RAB39A: variants seen among roughly 807,000 people sequenced by gnomAD.
RAB39A encodes RAB39A, member RAS oncogene family, also known as ras-related protein Rab-39A.
In RAB39A, 17 loss-of-function variants were observed where a neutral mutation model predicts 20.9. The ratio of observed to expected loss-of-function variants is 0.81; its 90% CI spans 0.56 to 1.22. RAB39A has a LOEUF of 1.22. Ranked by LOEUF, RAB39A falls within the 50% of genes most tolerant of loss-of-function variation. The pLI, the probability that RAB39A is intolerant of heterozygous loss-of-function variation, is 0.00. For missense variants in RAB39A, 234 were observed against 270.5 expected, an observed-to-expected ratio of 0.87 and a Z score of 0.95; for synonymous variants, 99 against 103.4, an observed-to-expected ratio of 0.96 and a Z score of 0.26.
At chr11:107,937,185 A>C (rs1861202610) in intron 1 of RAB39A, among the ~76,000 whole-genome samples, 1 of 152,088 alleles carries the variant, frequency 6.6e-6, no homozygotes, top group Non-Finnish European at 1.5e-5. Context: ...GCCCAGGTTG[A>C]AGTGCAGTGG....
intron 1 of RAB39A, among the ~76,000 whole-genome samples, chr11:107,939,084 A>G (rs1861231415): frequency 6.6e-6 from 1 of 151,788 alleles, no homozygotes; most frequent in African/African-American, 2.4e-5. Context: ...CCTACTAAAA[A>G]TAGAAAAAAA....
intron 1 of RAB39A, among the ~76,000 whole-genome samples, chr11:107,939,562 A>G (rs1164539751): frequency 6.6e-6 from 1 of 151,334 alleles, no homozygotes; most frequent in Non-Finnish European, 1.5e-5. Context: ...GAGAGCCGAG[A>G]TCATGCCACT....
rs1185090289 is a variant in RAB39A at position 107,962,159 on chromosome 11, A to C, written c.441A>C (p.Ala147=). 1 of 1,614,066 alleles carries C rather than the reference A, an allele frequency of 6.2e-7. No homozygotes were observed. The highest frequency in any genetic ancestry group is 1.3e-5 in the African/African-American group (1 of 74,960). Residue 147 remains alanine, a synonymous_variant, in exon 2 of 2, where the codon GCA becomes GCC. Coordinates refer to ENST00000320578, the MANE Select transcript of RAB39A (RefSeq NM_017516.3). ...GGGAAGAAGCTGAAAAACTGTCAGC[A>C]GACTGTGGAATGAAGTATATAGAAA... ...VTREEAEKLS[A]DCGMKYIETS...
chr11:107,931,070 A>G (rs1407293288), intron 1 of RAB39A, among the ~76,000 whole-genome samples: 1 of 148,772 alleles, frequency 6.7e-6, no homozygotes, highest in East Asian at 2.0e-4. Flanking sequence ...TCCGCCTCCC[A>G]GGTTCCAGCA....
intron 1 of RAB39A, among the ~76,000 whole-genome samples, chr11:107,950,136 T>C (rs573261162): frequency 6.4e-4 from 96 of 151,036 alleles, no homozygotes; most frequent in African/African-American, 2.1e-3. Flanking sequence ...GCCGAGATCG[T>C]GCCACTGCAC....
rs1003576291 is a variant in RAB39A at position 107,928,520 on chromosome 11, A to C, written c.-49A>C. On this transcript the variant is annotated 5_prime_UTR_variant, in exon 1 of 2. Coordinates refer to ENST00000320578, the MANE Select transcript of RAB39A (RefSeq NM_017516.3). This position sits in a 1 kb window ranked among gnomAD's most constrained non-coding sequence, Gnocchi z 4.9. ...CTGAAAGGACAGTTCCCGCCGCCGA[A>C]CTTAGCCCGCGGGTGGGGCGGCCCG... 14 of 1,373,788 alleles carry C rather than the reference A, an allele frequency of 1.0e-5. No individual in the cohort carries two copies. Among genetic ancestry groups the C allele is most frequent in the Non-Finnish European group, 1.4e-5 (14 of 1,036,742 alleles). 85.1% of individuals were successfully genotyped at this position (1,373,788 alleles called of 1,614,324 possible).
At chr11:107,961,764 G>A (rs1861497944) in intron 1 of RAB39A, among the ~76,000 whole-genome samples, 182 bp from the exon 2 acceptor site, 2 of 152,196 alleles carry the variant, frequency 1.3e-5, no homozygotes, top group Admixed American at 1.3e-4. Context: ...GTCAGTGTAT[G>A]AAACTTGCGT....
rs371052147 is a variant in RAB39A, at chr11:107,935,290, C to T, written c.227+6495C>T. Among the ~76,000 whole-genome samples the T allele has an allele frequency of 1.4e-4, 21 of 152,212 alleles. 1 individual carries two copies. The East Asian group carries it at 1.5e-3, about 11-fold the overall frequency. On this transcript the variant is annotated intron_variant, in intron 1 of 1. Transcript: ENST00000320578. ...CTGAAAGTAGCAGGAGGAACGCATC[C>T]GCCCTAGGTACAATGCTTGTATATA... is the stretch of plus-strand genomic sequence containing the variant.
chr11:107,943,416 C>T (rs563606030), intron 1 of RAB39A, among the ~76,000 whole-genome samples: 1 of 151,588 alleles, frequency 6.6e-6, no homozygotes, highest in South Asian at 2.1e-4. Flanking sequence ...CTAAAAATAC[C>T]AAAAATTAGC....
At chr11:107,935,639 G>A (rs61906949) in intron 1 of RAB39A, among the ~76,000 whole-genome samples, 26,242 of 152,036 alleles carry the variant, frequency 0.17, 2,410 homozygotes, top group Middle Eastern at 0.28. Flanking sequence ...GCCTCCCAAA[G>A]TGCTGGGATT....
In RAB39A at chr11:107,934,193, T is replaced by C. The variant is rs758758049; in HGVS notation, c.227+5398T>C. On this transcript the variant is annotated intron_variant, in intron 1 of 1. Transcript: ENST00000320578. ...CTGTAATCCTAACACTTTGGGAAGC[T>C]GAGGCAGGAGAATTACTTGAAGCTA... Among the ~76,000 whole-genome samples, 128 of 152,128 alleles carry C rather than the reference T, an allele frequency of 8.4e-4. 1 individual carries two copies. The highest frequency in any genetic ancestry group is 2.8e-4 in the Non-Finnish European group (19 of 68,022).
At chr11:107,939,883 A>G (rs1023665676) in intron 1 of RAB39A, among the ~76,000 whole-genome samples, 1 of 152,136 alleles carries the variant, frequency 6.6e-6, no homozygotes, top group African/African-American at 2.4e-5. Flanking sequence ...AAAGTTAAAG[A>G]TATGGTTGTG....
intron 1 of RAB39A, among the ~76,000 whole-genome samples, chr11:107,929,371 G>A (rs962792401): frequency 2.0e-5 from 3 of 152,180 alleles, no homozygotes; most frequent in Non-Finnish European, 4.4e-5. Flanking sequence ...TGCGGTAATG[G>A]TTTGGGCACC....
At chr11:107,944,438 C>T (rs1381135988) in intron 1 of RAB39A, among the ~76,000 whole-genome samples, 1 of 152,130 alleles carries the variant, frequency 6.6e-6, no homozygotes, top group Non-Finnish European at 1.5e-5. Flanking sequence ...TTCTCACAGA[C>T]TTATAGCAAA....
Position 107,928,661 on chromosome 11 carries a change from C to A in RAB39A, c.93C>A (p.Gly31=). 1 of 1,612,688 alleles carries A rather than the reference C, an allele frequency of 6.2e-7. No homozygotes were observed. The highest frequency in any genetic ancestry group is 1.1e-5 in the South Asian group (1 of 90,888). The change falls in exon 1 of 2, where the codon GGC becomes GGA. Residue 31 remains glycine, a synonymous_variant. Transcript: ENST00000320578. This position sits in a 1 kb window ranked among gnomAD's most constrained non-coding sequence, Gnocchi z 4.9. Reference sequence around the variant, plus strand: ...GCCTCCTGCACCGCTTCACCCAGGGCCGCTTCCCCGGGCTGCGCTCCCCCG... The same window carrying A: ...GCCTCCTGCACCGCTTCACCCAGGGACGCTTCCCCGGGCTGCGCTCCCCCG... ...KSCLLHRFTQ[G]RFPGLRSPAC...
At chr11:107,949,844 A>G (rs1266894053) in intron 1 of RAB39A, among the ~76,000 whole-genome samples, 1 of 152,154 alleles carries the variant, frequency 6.6e-6, no homozygotes, top group African/African-American at 2.4e-5. Context: ...GATTTAAATT[A>G]CTACCCATTT....
chr11:107,942,013 C>T (rs1218190774), intron 1 of RAB39A, among the ~76,000 whole-genome samples: 1 of 143,788 alleles, frequency 7.0e-6, no homozygotes, highest in Non-Finnish European at 1.5e-5. Context: ...GCAGGAGAAT[C>T]GCTTAAACCT....
chr11:107,933,286 C>G (rs1861155680), intron 1 of RAB39A, among the ~76,000 whole-genome samples: 1 of 147,088 alleles, frequency 6.8e-6, no homozygotes, highest in Non-Finnish European at 1.5e-5. Flanking sequence ...GCAGAACACT[C>G]TTTCCTGTGA....
At chr11:107,938,569 A>G (rs112878179) in intron 1 of RAB39A, among the ~76,000 whole-genome samples, 4 of 146,474 alleles carry the variant, frequency 2.7e-5, no homozygotes, top group African/African-American at 1.0e-4. Flanking sequence ...GTCTATAAAA[A>G]AAAAAAAAAA....
Sources: allele counts gnomAD v4.1 joint callset (sites outside exome capture counted in the v4.1 genomes callset), GRCh38; gene constraint gnomAD v4.1.1; non-coding constraint Gnocchi (gnomAD v3.1); transcripts MANE v1.5; gene names NCBI Gene and HGNC (gene_info 2026-07-23, HGNC 2026-07-21).